Variants in HECW1 observed in about 807,000 individuals in gnomAD.
The protein encoded by HECW1 is E3 ubiquitin-protein ligase HECW1.
HECW1 carries 61 observed loss-of-function variants against 182.3 expected under a neutral mutation model. The ratio of observed to expected loss-of-function variants is 0.33; its 90% confidence interval spans 0.27 to 0.41. The LOEUF (loss-of-function observed/expected upper bound fraction) is 0.41, where lower values mean the gene tolerates loss of function less well. HECW1 is among the 10% of genes least tolerant of loss of function. HECW1 has a pLI of 1.00. For missense variants in HECW1, 1,739 were observed against 2,108.9 expected (o/e 0.82, Z 3.44); for synonymous variants, 859 against 832.6 (o/e 1.03, Z -0.55).
chr7:43,372,789 A>G (rs983451142), intron 6 of HECW1, among the ~76,000 whole-genome samples: 5 of 151,934 alleles, frequency 3.3e-5, no homozygotes, highest in Non-Finnish European at 7.4e-5. Flanking sequence ...TAGTGTCACA[A>G]TTTAGTCCTT....
chr7:43,198,708 A>C (rs1033560769), intron 2 of HECW1, among the ~76,000 whole-genome samples: 1 of 141,522 alleles, frequency 7.1e-6, no homozygotes, highest in African/African-American at 2.7e-5. Flanking sequence ...TACACCCCCC[A>C]CAATACAGAT....
chr7:43,323,447 A>G (rs1487484622), intron 5 of HECW1, among the ~76,000 whole-genome samples: 1 of 152,018 alleles, frequency 6.6e-6, no homozygotes, highest in Non-Finnish European at 1.5e-5. Context: ...TTAGTCACGT[A>G]TGATGATGTA....
chr7:43,208,900 C>T lies in HECW1; in HGVS notation c.-31-34975C>T, dbSNP rs748019984. Among the ~76,000 whole-genome samples the T allele has an allele frequency of 2.4e-4, 36 of 152,176 alleles. 1 individual carries two copies. The highest frequency in any genetic ancestry group is 2.0e-3 in the Admixed American group (31 of 15,276). On this transcript the variant is annotated intron_variant, in intron 2 of 29. Transcript: ENST00000395891. ...CCACACACTCTTGGAGGCTGAGGCC[C>T]GGATCTGGCTCTGAAATACCTGTGC... is the stretch of plus-strand genomic sequence containing the variant.
intron 3 of HECW1, among the ~76,000 whole-genome samples, chr7:43,281,023 T>C (rs953298687): frequency 3.3e-5 from 5 of 152,170 alleles, no homozygotes; most frequent in African/African-American, 1.2e-4. Context: ...GCATTTAAGA[T>C]TTTTGATGGC....
At chr7:43,169,321 G>C (rs1173421512) in intron 2 of HECW1, among the ~76,000 whole-genome samples, 1 of 152,180 alleles carries the variant, frequency 6.6e-6, no homozygotes, top group Non-Finnish European at 1.5e-5. Flanking sequence ...TTATTGTCAT[G>C]GGGGCTGACC....
Position 43,493,193 on chromosome 7 carries a change from C to A in HECW1, c.3437+13C>A, listed in dbSNP as rs1027912853. On this transcript the variant is annotated intron_variant, in intron 19 of 29. Coordinates refer to ENST00000395891, the MANE Select transcript of HECW1 (RefSeq NM_015052.5). ...ACCACACACTCAGGTAAGCCTCGCC[C>A]CTCACTCCCTGGAACTCTAGGTCTT... 4 of 1,572,368 alleles carry A rather than the reference C, an allele frequency of 2.5e-6. No individual in the cohort carries two copies. In the African/African-American group the frequency reaches 5.4e-5, roughly 21 times the overall value.
At chr7:43,349,471 A>G (rs1814114530) in intron 5 of HECW1, among the ~76,000 whole-genome samples, 2 of 152,130 alleles carry the variant, frequency 1.3e-5, no homozygotes, top group South Asian at 4.1e-4. Flanking sequence ...TTCCCCCACT[A>G]CTATTATGTT....
chr7:43,386,982 A>G (rs1349186494), intron 6 of HECW1, among the ~76,000 whole-genome samples: 3 of 152,224 alleles, frequency 2.0e-5, no homozygotes. Flanking sequence ...ATGCCAGGCA[A>G]CGCATTTGTT....
At chr7:43,442,956 C>CATGA (rs1030940481) in intron 10 of HECW1, among the ~76,000 whole-genome samples, 3 of 152,190 alleles carry the variant, frequency 2.0e-5, no homozygotes, top group African/African-American at 7.2e-5. Context: ...TCATCACATA[C>CATGA]ATGAATGAAT....
rs7784124 is a variant in HECW1 at position 43,318,553 on chromosome 7, G to A, written c.353-2082G>A. Among the ~76,000 whole-genome samples the A allele has an allele frequency of 2.4e-3, 368 of 152,318 alleles. 3 individuals carry two copies. The highest frequency in any genetic ancestry group is 8.6e-3 in the African/African-American group (356 of 41,558). ...AATCCACATAGCAGATTACAAGTAGGCTTACCAGTTATCTCATTTAGTGCT... is the reference window on the plus strand; with the variant it reads ...AATCCACATAGCAGATTACAAGTAGACTTACCAGTTATCTCATTTAGTGCT... On this transcript the variant is annotated intron_variant, in intron 4 of 29. Coordinates refer to ENST00000395891, the MANE Select transcript of HECW1 (RefSeq NM_015052.5).
chr7:43,303,750 G>T (rs1010565915), intron 3 of HECW1, among the ~76,000 whole-genome samples: 2 of 152,152 alleles, frequency 1.3e-5, no homozygotes, highest in African/African-American at 4.8e-5. Context: ...TCAGGAACAG[G>T]TGTCTGGGAG....
chr7:43,432,360 C>T lies in HECW1; in HGVS notation c.802-5643C>T, dbSNP rs1456651252. Among the ~76,000 whole-genome samples, 4 of 148,940 alleles carry T rather than the reference C, an allele frequency of 2.7e-5. No individual in the cohort carries two copies. Among genetic ancestry groups the T allele is most frequent in the East Asian group, 2.0e-4 (1 of 4,970 alleles). ...TTCACCGTTTTAGCCGGGATGGTCT[C>T]GATCTCCTGACCTCGTGATCCGCCC... is the stretch of plus-strand genomic sequence containing the variant. On this transcript the variant is annotated intron_variant, in intron 8 of 29. Coordinates refer to ENST00000395891, the MANE Select transcript of HECW1 (RefSeq NM_015052.5). This position sits in a 1 kb window ranked among gnomAD's most constrained non-coding sequence, Gnocchi z 4.1.
At chr7:43,204,603 A>G (rs906265395) in intron 2 of HECW1, among the ~76,000 whole-genome samples, 3 of 152,230 alleles carry the variant, frequency 2.0e-5, no homozygotes, top group Non-Finnish European at 2.9e-5. Flanking sequence ...AAAGCTGAAC[A>G]CTAGTTAAGG....
rs149559912 is a variant in HECW1, at chr7:43,120,583, C to T, written c.-32+6192C>T. ...AACAGGTGCTTTCCTTAACTGAAAT[C>T]CAACCTCAGAACTTTCTCTATGTCC... On this transcript the variant is annotated intron_variant, in intron 2 of 29. Transcript: ENST00000395891. 7.0e-3 allele frequency among the ~76,000 whole-genome samples: 1,065 copies of T among 152,228 alleles called. 8 individuals are homozygous for T. The highest frequency in any genetic ancestry group is 0.024 in the African/African-American group (1,008 of 41,534).
chr7:43,535,390 T>C (rs2081141413), intron 24 of HECW1, among the ~76,000 whole-genome samples: 3 of 152,196 alleles, frequency 2.0e-5, no homozygotes, highest in African/African-American at 7.2e-5. Flanking sequence ...CATGTGTTTT[T>C]GAAAGGTCAG....
At chr7:43,507,926 T>G (rs1585125373) in intron 22 of HECW1, 92 bp from the exon 23 acceptor site, 6 of 800,742 alleles carry the variant, frequency 7.5e-6, no homozygotes, top group Non-Finnish European at 8.4e-6. Flanking sequence ...GGCTGGGGAG[T>G]GAGAACCTAA....
intron 2 of HECW1, among the ~76,000 whole-genome samples, chr7:43,198,765 ACTCTCT>A (rs144605382): frequency 6.7e-6 from 1 of 148,546 alleles, no homozygotes; most frequent in Non-Finnish European, 1.5e-5. Context: ...AGATTTGCAC[ACTCTCT>A]CACACACACT....
At chr7:43,500,657 G>T in intron 19 of HECW1, 42 bp from the exon 20 acceptor site, 1 of 1,373,576 alleles carries the variant, frequency 7.3e-7, no homozygotes, top group Non-Finnish European at 1.0e-6. Context: ...CTGAGTTTAT[G>T]TGTTGGCATC....
intron 3 of HECW1, chr7:43,274,226 C>T: frequency 1.7e-6 from 1 of 592,432 alleles, no homozygotes; most frequent in Non-Finnish European, 2.9e-6. Context: ...CCAAATGCCA[C>T]ACACTGCCCC....
Sources: gnomAD v4.1 joint callset for allele counts (sites outside exome capture counted in the v4.1 genomes callset) on GRCh38, gnomAD v4.1.1 for gene constraint, Gnocchi (gnomAD v3.1) non-coding constraint, MANE v1.5 for transcripts, NCBI Gene and HGNC (gene_info 2026-07-23, HGNC 2026-07-21) for gene names.